DNM3: variants seen among roughly 807,000 people sequenced by gnomAD.
DNM3 encodes the protein dynamin 3, also known as dynamin-3.
In DNM3, 47 loss-of-function variants were observed where a neutral mutation model predicts 101.6. The observed-to-expected ratio is 0.46, with a 90% confidence interval of 0.37 to 0.59. The LOEUF is 0.59. Ranked by LOEUF, DNM3 falls within the 20% of genes least tolerant of loss-of-function variation. The pLI is 0.00. For synonymous variants in DNM3, 385 were observed against 387.9 expected (o/e 0.99, Z 0.09); for missense variants, 849 against 1,085.7 (o/e 0.78, Z 3.06).
intron 10 of DNM3, among the ~76,000 whole-genome samples, chr1:172,053,796 T>A (rs1392474009): frequency 1.3e-5 from 2 of 152,168 alleles, no homozygotes; most frequent in African/African-American, 4.8e-5. Context: ...ATTTTTGGCC[T>A]TATTAGGTAT....
intron 2 of DNM3, among the ~76,000 whole-genome samples, chr1:171,948,642 C>T (rs985200708): frequency 6.6e-6 from 1 of 152,146 alleles, no homozygotes; most frequent in Admixed American, 6.6e-5. Context: ...AAAACAACTA[C>T]TATGTGTTAC....
intron 14 of DNM3, among the ~76,000 whole-genome samples, chr1:172,250,000 A>T (rs2062105926): frequency 6.6e-6 from 1 of 152,222 alleles, no homozygotes; most frequent in African/African-American, 2.4e-5. Context: ...CTTAAACAAT[A>T]TATAAGCTAC....
rs557946059 is a variant in DNM3 at position 172,222,231 on chromosome 1, C to T, written c.1660-31342C>T. On this transcript the variant is annotated intron_variant, in intron 14 of 20. Transcript: ENST00000627582. ...CACTTGCTTTAGCTAGAATCACTAC[C>T]TAAACTATGGTATTCACATCATAAA... 2.0e-5 allele frequency among the ~76,000 whole-genome samples: 3 copies of T among 152,270 alleles called. No homozygotes were observed. The East Asian group carries it at 5.8e-4, about 29-fold the overall frequency.
At chr1:171,857,119 G>C (rs190718687) in intron 1 of DNM3, among the ~76,000 whole-genome samples, 154 of 152,170 alleles carry the variant, frequency 1.0e-3, no homozygotes, top group Admixed American at 2.2e-3. Flanking sequence ...ATGAGGAATT[G>C]GTACTGAATT....
intron 13 of DNM3, among the ~76,000 whole-genome samples, chr1:172,119,150 A>T (rs926807623): frequency 2.0e-5 from 3 of 151,244 alleles, no homozygotes; most frequent in African/African-American, 7.3e-5. Context: ...GCACCACCAC[A>T]CCCAGTTAAT....
intron 2 of DNM3, among the ~76,000 whole-genome samples, chr1:171,941,210 A>G (rs1329738594): frequency 2.0e-5 from 3 of 152,188 alleles, no homozygotes; most frequent in African/African-American, 7.2e-5. Context: ...GGGTTATACT[A>G]TAGTGTCCAA....
At chr1:172,190,315 A>T (rs1156619761) in intron 14 of DNM3, among the ~76,000 whole-genome samples, 1 of 152,104 alleles carries the variant, frequency 6.6e-6, no homozygotes, top group Non-Finnish European at 1.5e-5. Flanking sequence ...ATCCAGCTCC[A>T]TCCATGTCCC....
intron 17 of DNM3, among the ~76,000 whole-genome samples, chr1:172,346,632 C>A (rs1199039359): frequency 2.0e-5 from 3 of 152,098 alleles, no homozygotes; most frequent in African/African-American, 4.8e-5. Flanking sequence ...AAATCAGACA[C>A]CCTCATGGAC....
At chr1:172,256,820 G>A (rs533661573) in intron 15 of DNM3, among the ~76,000 whole-genome samples, 2 of 149,792 alleles carry the variant, frequency 1.3e-5, no homozygotes, top group Non-Finnish European at 3.0e-5. Context: ...TAGATTTCTC[G>A]CCAGGTAGTG....
intron 12 of DNM3, among the ~76,000 whole-genome samples, chr1:172,084,237 G>A (rs2053367414): frequency 6.6e-6 from 1 of 151,948 alleles, no homozygotes; most frequent in Non-Finnish European, 1.5e-5. Flanking sequence ...ATCAAGTTAT[G>A]TGGAAATCCT....
At chr1:172,236,908 T>G (rs2148632377) in intron 14 of DNM3, among the ~76,000 whole-genome samples, 1 of 152,240 alleles carries the variant, frequency 6.6e-6, no homozygotes, top group Non-Finnish European at 1.5e-5. Context: ...CTTGGAACCT[T>G]TGTCTACAGT....
At chr1:171,993,143 A>G (rs2045748386) in intron 4 of DNM3, among the ~76,000 whole-genome samples, 1 of 152,054 alleles carries the variant, frequency 6.6e-6, no homozygotes, top group African/African-American at 2.4e-5. Flanking sequence ...ACAAAAATAC[A>G]TTTATATTGT....
At chr1:172,330,942 A>C (rs2066155375) in intron 17 of DNM3, among the ~76,000 whole-genome samples, 1 of 152,132 alleles carries the variant, frequency 6.6e-6, no homozygotes. Flanking sequence ...TATTATGATT[A>C]TTTTTGTTGT....
At chr1:172,310,273 C>G (rs1319867708) in intron 16 of DNM3, 1 of 152,178 alleles carries the variant, frequency 6.6e-6, no homozygotes, top group Non-Finnish European at 1.5e-5. Flanking sequence ...ATTAAAAATG[C>G]ACACATACCT....
At chr1:172,088,956 T>G (rs1208748327) in intron 12 of DNM3, among the ~76,000 whole-genome samples, 1 of 152,250 alleles carries the variant, frequency 6.6e-6, no homozygotes, top group Non-Finnish European at 1.5e-5. Context: ...TTATATACTT[T>G]TAGAATCATT....
intron 13 of DNM3, among the ~76,000 whole-genome samples, chr1:172,105,762 T>C (rs993043771): frequency 2.0e-5 from 3 of 152,128 alleles, no homozygotes; most frequent in Non-Finnish European, 2.9e-5. Context: ...TAATTTTCTG[T>C]TTTCCCCCTT....
At chr1:172,112,841 G>A (rs2055583220) in intron 13 of DNM3, among the ~76,000 whole-genome samples, 1 of 152,192 alleles carries the variant, frequency 6.6e-6, no homozygotes. Flanking sequence ...TTGTTGAGAA[G>A]ATTAGTGAGA....
At chr1:172,239,517 T>C (rs1309346131) in intron 14 of DNM3, among the ~76,000 whole-genome samples, 1 of 152,102 alleles carries the variant, frequency 6.6e-6, no homozygotes, top group African/African-American at 2.4e-5. Context: ...AAGGTTCACA[T>C]AGCTAGTGTC....
At chr1:171,902,230 T>C (rs1349471424) in intron 1 of DNM3, among the ~76,000 whole-genome samples, 1 of 152,218 alleles carries the variant, frequency 6.6e-6, no homozygotes, top group Non-Finnish European at 1.5e-5. Context: ...TAGTAACCTA[T>C]AGTAGAAACT....
Sources: gnomAD v4.1 joint callset for allele counts (sites outside exome capture counted in the v4.1 genomes callset) on GRCh38, gnomAD v4.1.1 for gene constraint, MANE v1.5 for transcripts, NCBI Gene and HGNC (gene_info 2026-07-23, HGNC 2026-07-21) for gene names.